The following UGT2A1 variants were observed in gnomAD, a reference collection of about 807,000 sequenced individuals.
UGT2A1 encodes UDP-glucuronosyltransferase 2A1.
Under a neutral mutation model 45.4 loss-of-function variants are expected in UGT2A1, and 61 were observed. The ratio of observed to expected loss-of-function variants is 1.34; its 90% CI spans 1.09 to 1.66. The LOEUF (loss-of-function observed/expected upper bound fraction) is 1.66. Ranked by LOEUF, UGT2A1 falls within the 40% of genes most tolerant of loss-of-function variation. The pLI is 0.00. For missense variants in UGT2A1, 649 were observed against 574.3 expected (o/e 1.13, Z -1.33); for synonymous variants, 229 against 196.2 (o/e 1.17, Z -1.40).
chr4:69,609,257 A>C (rs1719883124), intron 3 of UGT2A1, among the ~76,000 whole-genome samples: 1 of 151,928 alleles, frequency 6.6e-6, no homozygotes, highest in African/African-American at 2.4e-5. Context: ...AGCCCAAGAA[A>C]TCCTCCTACC....
intron 3 of UGT2A1, among the ~76,000 whole-genome samples, chr4:69,617,480 G>A (rs766649403): frequency 1.7e-4 from 26 of 151,806 alleles, no homozygotes; most frequent in Non-Finnish European, 3.4e-4. Context: ...TATATACGTA[G>A]ACGTACAAAA....
intron 4 of UGT2A1, among the ~76,000 whole-genome samples, chr4:69,596,645 C>G (rs183466418): frequency 1.3e-3 from 199 of 152,254 alleles, no homozygotes; most frequent in Non-Finnish European, 2.6e-3. Flanking sequence ...CCTCAGCCTC[C>G]TGAGTAACTG....
intron 3 of UGT2A1, among the ~76,000 whole-genome samples, chr4:69,633,692 A>G (rs1159625178): frequency 1.3e-5 from 2 of 152,226 alleles, no homozygotes; most frequent in African/African-American, 2.4e-5. Flanking sequence ...TAAGCAAGAT[A>G]CAAAGGAGTA....
chr4:69,592,063 T>C (rs1718624148), intron 6 of UGT2A1, among the ~76,000 whole-genome samples: 1 of 152,096 alleles, frequency 6.6e-6, no homozygotes, highest in African/African-American at 2.4e-5. Context: ...AACCAACTGT[T>C]GAGTGTCTTT....
chr4:69,618,839 AAAAC>A (rs932777172), intron 3 of UGT2A1, among the ~76,000 whole-genome samples: 1 of 151,998 alleles, frequency 6.6e-6, no homozygotes, highest in Non-Finnish European at 1.5e-5. Flanking sequence ...AAATGACAAA[AAAAC>A]AAACAAAATA....
In UGT2A1 at chr4:69,589,536, G is replaced by A; in HGVS notation, c.1420C>T (p.Leu474Phe). Residue 474 changes from leucine to phenylalanine, a missense_variant, in exon 7 of 7, where the codon CTT becomes TTT. By Grantham distance (22) the Leu-to-Phe change is conservative. Coordinates refer to ENST00000286604, the MANE Select transcript of UGT2A1 (RefSeq NM_001252275.3). ...FVMRHKGAKH[L>F]RVAAHDLTWF... ...GTGAGGTCATGGGCTGCAACCCGAA[G>A]GTGCTTGGCTCCTTTGTGGCGCATG... 1 of 1,614,076 alleles carries A rather than the reference G, an allele frequency of 6.2e-7. No homozygotes were observed. Among genetic ancestry groups the A allele is most frequent in the Non-Finnish European group, 8.5e-7 (1 of 1,179,986 alleles).
chr4:69,632,986 G>A (rs1721471796), intron 3 of UGT2A1, among the ~76,000 whole-genome samples: 1 of 152,074 alleles, frequency 6.6e-6, no homozygotes, highest in Non-Finnish European at 1.5e-5. Context: ...AACCGGACGT[G>A]GGTGACAATT....
At chr4:69,618,187 ATGTGTG>A (rs72430246) in intron 3 of UGT2A1, among the ~76,000 whole-genome samples, 10,703 of 144,310 alleles carry the variant, frequency 0.074, 463 homozygotes, top group African/African-American at 0.11. Context: ...GCCAGTAAGC[ATGTGTG>A]TGTGTGTGTG....
At chr4:69,591,972 C>T (rs2163658) in intron 6 of UGT2A1, among the ~76,000 whole-genome samples, 60,319 of 151,868 alleles carry the variant, frequency 0.4, 12,227 homozygotes, top group East Asian at 0.56. Flanking sequence ...ACAACATGTA[C>T]GTATTAATAA....
intron 1 of UGT2A1, among the ~76,000 whole-genome samples, chr4:69,650,075 C>T (rs918109196): frequency 6.6e-6 from 1 of 152,048 alleles, no homozygotes; most frequent in Non-Finnish European, 1.5e-5. Flanking sequence ...CCTCTTGGGC[C>T]CCCTCTCTGC....
At chr4:69,639,181 C>T in intron 2 of UGT2A1, 1 of 1,613,708 alleles carries the variant, frequency 6.2e-7, no homozygotes, top group African/African-American at 1.3e-5. Flanking sequence ...ACCAACACAT[C>T]AAAACCACCT....
chr4:69,590,768 TAAG>T (rs1207426613), intron 6 of UGT2A1, among the ~76,000 whole-genome samples: 4 of 152,026 alleles, frequency 2.6e-5, no homozygotes, highest in African/African-American at 4.8e-5. Context: ...AATCAAAAAA[TAAG>T]AAGAAGAAAG....
At chr4:69,590,916 A>C (rs1224299391) in intron 6 of UGT2A1, among the ~76,000 whole-genome samples, 3 of 152,192 alleles carry the variant, frequency 2.0e-5, no homozygotes, top group Non-Finnish European at 2.9e-5. Flanking sequence ...GTCTATTCAA[A>C]TGTAATTGTT....
At chr4:69,600,553 GT>G (rs1213263969) in intron 3 of UGT2A1, among the ~76,000 whole-genome samples, 1 of 152,168 alleles carries the variant, frequency 6.6e-6, no homozygotes, top group Non-Finnish European at 1.5e-5. Context: ...GAAAGCCACA[GT>G]TTCCATCTCA....
At chr4:69,610,114 G>A (rs1719945597) in intron 3 of UGT2A1, among the ~76,000 whole-genome samples, 5 of 152,092 alleles carry the variant, frequency 3.3e-5, no homozygotes. Flanking sequence ...TTACACTCAT[G>A]TATTAGCAAA....
intron 3 of UGT2A1, among the ~76,000 whole-genome samples, chr4:69,619,931 T>A (rs2109933975): frequency 6.6e-6 from 1 of 151,868 alleles, no homozygotes; most frequent in South Asian, 2.1e-4. Context: ...CACAAAAGGC[T>A]TTTGATACCT....
intron 4 of UGT2A1, chr4:69,596,324 C>T (rs4148301): frequency 0.085 from 136,077 of 1,606,364 alleles, 6,205 homozygotes; most frequent in Middle Eastern, 0.14. Context: ...ACCATTGATC[C>T]CAGAGAAAAC....
At position 69,605,417 on chromosome 4, in the gene UGT2A1, A is replaced by G. The variant is rs941382584; in HGVS notation, c.848-6023T>C. ...TACCAGAATCTCTGGGACACATTCA[A>G]AGCAGTGTGTAGAGGGAAATTTATA... is the stretch of plus-strand genomic sequence containing the variant. On this transcript the variant is annotated intron_variant, in intron 3 of 6. Coordinates refer to ENST00000286604, the MANE Select transcript of UGT2A1 (RefSeq NM_001252275.3). Among the ~76,000 whole-genome samples the G allele has an allele frequency of 2.2e-5, 3 of 137,014 alleles. 1 individual carries two copies. Among genetic ancestry groups the G allele is most frequent in the Non-Finnish European group, 4.7e-5 (3 of 64,432 alleles). 89.9% of individuals were successfully genotyped at this position (137,014 alleles called of 152,430 possible).
rs114770148 is a variant in UGT2A1, at chr4:69,615,731, A to G, written c.848-16337T>C. ...CGCCGCAAAAACAAACAAGCAAACA[A>G]ACAGACAGACAAAAAAACAGGCAAT... On this transcript the variant is annotated intron_variant, in intron 3 of 6. Coordinates refer to ENST00000286604, the MANE Select transcript of UGT2A1 (RefSeq NM_001252275.3). Among the ~76,000 whole-genome samples the G allele has an allele frequency of 4.3e-3, 649 of 152,050 alleles. 5 individuals carry two copies. Among genetic ancestry groups the G allele is most frequent in the African/African-American group, 0.013 (541 of 41,518 alleles).
Sources: allele counts gnomAD v4.1 joint callset (sites outside exome capture counted in the v4.1 genomes callset), GRCh38; gene constraint gnomAD v4.1.1; transcripts MANE v1.5; gene names NCBI Gene and HGNC (gene_info 2026-07-23, HGNC 2026-07-21).